The following DLGAP4 variants were observed in gnomAD, a reference collection of about 807,000 sequenced individuals.
DLGAP4 encodes the protein DLG associated protein 4, also known as disks large-associated protein 4.
A neutral mutation model predicts 86.9 loss-of-function variants in DLGAP4; 18 were observed. That is an observed-to-expected ratio of 0.21 (90% confidence interval 0.14 to 0.31). The LOEUF (loss-of-function observed/expected upper bound fraction) is 0.31. DLGAP4 is among the 10% of genes least tolerant of loss of function. The probability of loss-of-function intolerance (pLI) is 1.00; values close to 1 mark genes in which losing one functional copy is unlikely to be tolerated. For synonymous variants in DLGAP4, 548 were observed against 574.3 expected (o/e 0.95, Z 0.65); for missense variants, 1,085 against 1,362.6 (o/e 0.80, Z 3.21).
intron 10 of DLGAP4, chr20:36,508,402 CCTA>C (rs1299990200): frequency 6.7e-6 from 1 of 148,870 alleles, no homozygotes; most frequent in African/African-American, 2.5e-5. Flanking sequence ...TGACCATTTT[CCTA>C]CTGATGTTTC....
chr20:36,461,543 GCCA>G lies in DLGAP4; in HGVS notation c.1648+14607_1648+14609del, dbSNP rs974717400. 3.3e-5 allele frequency: 32 copies of G among 975,938 alleles called. No homozygotes were observed. The Middle Eastern group carries it at 1.6e-3, about 48-fold the overall frequency. The allele number at this position is 975,938 out of a possible 1,614,324, so 60.5% of individuals were successfully genotyped here. A position where few individuals can be genotyped will look rare whatever the true frequency, so the allele number is the denominator to read the frequency against. ...CCCGCCGCTGGCCGCCGCCGCCGCC[GCCA>G]GTCCGTCCGTCTGTCCGGTCCACGT... On this transcript the variant is annotated intron_variant, in intron 7 of 12. Coordinates refer to ENST00000339266, the MANE Select transcript of DLGAP4 (RefSeq NM_001365621.2).
At chr20:36,343,352 G>C (rs1284377625) in intron 1 of DLGAP4, among the ~76,000 whole-genome samples, 1 of 152,132 alleles carries the variant, frequency 6.6e-6, no homozygotes, top group Non-Finnish European at 1.5e-5. Context: ...ATCTCCTCTG[G>C]GTAGTGACCA....
chr20:36,422,725 G>A (rs2032863328), intron 2 of DLGAP4, among the ~76,000 whole-genome samples: 2 of 152,192 alleles, frequency 1.3e-5, no homozygotes, highest in Admixed American at 6.5e-5. Context: ...CTGGCATGTG[G>A]GGGTGGCGGC....
At chr20:36,333,117 G>A (rs2147362244) in intron 1 of DLGAP4, among the ~76,000 whole-genome samples, 1 of 152,182 alleles carries the variant, frequency 6.6e-6, no homozygotes, top group Admixed American at 6.5e-5. Flanking sequence ...TGCCTGGTTG[G>A]TTTGAGAAGT....
rs889952685 is a variant in DLGAP4, at chr20:36,393,068, G to A, written c.-73+25793G>A. Among the ~76,000 whole-genome samples, 18 of 152,106 alleles carry A rather than the reference G, an allele frequency of 1.2e-4. No homozygotes were observed. Among genetic ancestry groups the A allele is most frequent in the Admixed American group, 2.6e-4 (4 of 15,280 alleles). ...GGAGGCTGGGGGCGGGGGAATGGGT[G>A]GGGTAGGAATGTTCAGGAAGGAATC... On this transcript the variant is annotated intron_variant, in intron 2 of 12. Transcript: ENST00000339266. The surrounding 1 kb of genome is among the most constrained non-coding windows in gnomAD (Gnocchi z 4.4).
At chr20:36,320,300 C>T (rs2065155368) in intron 1 of DLGAP4, among the ~76,000 whole-genome samples, 1 of 151,720 alleles carries the variant, frequency 6.6e-6, no homozygotes, top group Non-Finnish European at 1.5e-5. Context: ...TCCCCCTTCC[C>T]CAGCCCCACC....
chr20:36,307,017 G>T (rs2065009264), intron 1 of DLGAP4, among the ~76,000 whole-genome samples: 1 of 152,096 alleles, frequency 6.6e-6, no homozygotes, highest in South Asian at 2.1e-4. Context: ...CAACCCAGCT[G>T]CCTCGGATCC....
At chr20:36,322,792 T>C (rs2065181511) in intron 1 of DLGAP4, among the ~76,000 whole-genome samples, 1 of 152,212 alleles carries the variant, frequency 6.6e-6, no homozygotes, top group South Asian at 2.1e-4. Flanking sequence ...GTATAGCACG[T>C]GTTGTAGAGT....
chr20:36,427,574 C>T (rs764410021), intron 2 of DLGAP4, among the ~76,000 whole-genome samples: 3 of 152,004 alleles, frequency 2.0e-5, no homozygotes, highest in Non-Finnish European at 4.4e-5. Context: ...AGCATTGTTA[C>T]TAAATGTCAC....
intron 6 of DLGAP4, among the ~76,000 whole-genome samples, chr20:36,443,036 G>A (rs1388260291): frequency 6.6e-6 from 1 of 152,194 alleles, no homozygotes; most frequent in Non-Finnish European, 1.5e-5. Context: ...GCTCTGGATG[G>A]GGCAAGAAAC....
intron 10 of DLGAP4, among the ~76,000 whole-genome samples, chr20:36,519,427 TGTGTGCGTGC>T (rs1198703093): frequency 1.2e-4 from 19 of 152,318 alleles, no homozygotes; most frequent in East Asian, 1.9e-4. Flanking sequence ...GTTTTCTGTC[TGTGTGCGTGC>T]GTGTGCGTGC....
intron 7 of DLGAP4, among the ~76,000 whole-genome samples, chr20:36,493,342 A>G (rs74611014): frequency 0.026 from 3,964 of 152,306 alleles, 203 homozygotes; most frequent in African/African-American, 0.091. Context: ...TCTTCCCTGC[A>G]GTCACAGTGA....
At chr20:36,519,453 T>TG in intron 10 of DLGAP4, among the ~76,000 whole-genome samples, 1 of 152,324 alleles carries the variant, frequency 6.6e-6, no homozygotes, top group Admixed American at 6.5e-5. Flanking sequence ...CGTGCGTGCA[T>TG]GTACACACAG....
At chr20:36,370,787 C>G (rs1311750495) in intron 2 of DLGAP4, among the ~76,000 whole-genome samples, 1 of 152,166 alleles carries the variant, frequency 6.6e-6, no homozygotes, top group Non-Finnish European at 1.5e-5. Flanking sequence ...GCCACTGTAC[C>G]TTAACCTGGG....
chr20:36,320,434 A>G (rs901773964), intron 1 of DLGAP4, among the ~76,000 whole-genome samples: 1 of 151,474 alleles, frequency 6.6e-6, no homozygotes, highest in Non-Finnish European at 1.5e-5. Flanking sequence ...GCCCACACTG[A>G]CCCTTGCCCT....
Position 36,510,027 on chromosome 20 carries a change from T to C in DLGAP4, c.2512+9416T>C, listed in dbSNP as rs180850890. Among the ~76,000 whole-genome samples, 5 of 151,604 alleles carry C rather than the reference T, an allele frequency of 3.3e-5. No homozygotes were observed. In the East Asian group the frequency reaches 7.8e-4, roughly 24 times the overall value. On this transcript the variant is annotated intron_variant, in intron 10 of 12. Coordinates refer to ENST00000339266, the MANE Select transcript of DLGAP4 (RefSeq NM_001365621.2). ...ATGCGCCACCACGCCCCACTAATTT[T>C]GTATTTTTAGTGTTGGTCAGGCTGG...
chr20:36,373,499 G>A (rs1334384026), intron 2 of DLGAP4, among the ~76,000 whole-genome samples: 1 of 152,158 alleles, frequency 6.6e-6, no homozygotes, highest in African/African-American at 2.4e-5. Flanking sequence ...AGGAGAATTT[G>A]GTGCTCTGAT....
At chr20:36,494,118 G>A (rs551905144) in intron 7 of DLGAP4, among the ~76,000 whole-genome samples, 43 of 152,328 alleles carry the variant, frequency 2.8e-4, no homozygotes, top group African/African-American at 1.0e-3. Context: ...CAGAGATGCA[G>A]GTGTCTGTCT....
chr20:36,399,620 C>T (rs567661444), intron 2 of DLGAP4, among the ~76,000 whole-genome samples: 2 of 152,310 alleles, frequency 1.3e-5, no homozygotes, highest in Non-Finnish European at 2.9e-5. Flanking sequence ...TAAAGAACCT[C>T]GCAGACCCTT....
Sources: allele counts gnomAD v4.1 joint callset (sites outside exome capture counted in the v4.1 genomes callset), GRCh38; gene constraint gnomAD v4.1.1; non-coding constraint Gnocchi (gnomAD v3.1); transcripts MANE v1.5; gene names NCBI Gene and HGNC (gene_info 2026-07-23, HGNC 2026-07-21).